Variants in RTEL1 observed in about 807,000 individuals in gnomAD.
RTEL1 encodes regulator of telomere elongation helicase 1.
RTEL1 carries 86 observed loss-of-function variants against 162.2 expected under a neutral mutation model. The ratio of observed to expected loss-of-function variants is 0.53; its 90% CI spans 0.45 to 0.63. RTEL1 has a LOEUF of 0.63. Among genes scored for constraint, RTEL1 ranks in the 30% least tolerant of loss-of-function variants. RTEL1 has a pLI of 0.00. For missense variants in RTEL1, 1,941 were observed against 1,750.2 expected (o/e 1.11, Z -1.95); for synonymous variants, 958 against 717.9 (o/e 1.33, Z -5.35).
chr20:63,685,727 A>C, intron 15 of RTEL1, 64 bp from the exon 16 acceptor site: 1 of 1,587,734 alleles, frequency 6.3e-7, no homozygotes. Context: ...CTGGTCCTAA[A>C]AGGTAAGGGG....
chr20:63,689,682 G>A (rs373831881), intron 23 of RTEL1, 34 bp downstream of exon 23: 30 of 1,605,620 alleles, frequency 1.9e-5, no homozygotes, highest in East Asian at 1.8e-4. Flanking sequence ...GGGGTAAGGC[G>A]GTCTGGTGAC....
intron 30 of RTEL1, among the ~76,000 whole-genome samples, chr20:63,694,123 G>T (rs1011432922): frequency 2.6e-5 from 4 of 152,094 alleles, no homozygotes; most frequent in Non-Finnish European, 5.9e-5. Context: ...ATATCCTCAT[G>T]CCTGCACCCA....
At chr20:63,675,360 A>G (rs1393181321) in intron 10 of RTEL1, among the ~76,000 whole-genome samples, 1 of 152,116 alleles carries the variant, frequency 6.6e-6, no homozygotes, top group Non-Finnish European at 1.5e-5. Context: ...GCACATGTGG[A>G]CGGACACCAC....
intron 31 of RTEL1, 110 bp downstream of exon 31, chr20:63,694,598 A>T: frequency 8.2e-7 from 1 of 1,222,570 alleles, no homozygotes; most frequent in Non-Finnish European, 1.2e-6. Context: ...GAGCCATCTC[A>T]TGGTGGGGAC....
chr20:63,683,787 C>T (rs931124612), intron 14 of RTEL1, among the ~76,000 whole-genome samples: 6 of 152,142 alleles, frequency 3.9e-5, no homozygotes, highest in South Asian at 2.1e-4. Context: ...GGTCGTCACG[C>T]GCTCCTCTCC....
intron 2 of RTEL1, among the ~76,000 whole-genome samples, chr20:63,660,263 G>A (rs1315069819): frequency 6.6e-6 from 1 of 152,186 alleles, no homozygotes; most frequent in Non-Finnish European, 1.5e-5. Flanking sequence ...GACCCTTCAC[G>A]GGTGTTGGGC....
intron 22 of RTEL1, among the ~76,000 whole-genome samples, 164 bp from the exon 23 acceptor site, chr20:63,689,338 G>C (rs2090670165): frequency 6.6e-6 from 1 of 152,188 alleles, no homozygotes; most frequent in Admixed American, 6.5e-5. Flanking sequence ...AGTTGGAGGT[G>C]GCGTCTGGGA....
chr20:63,672,768 C>T, intron 9 of RTEL1, 147 bp downstream of exon 9: 3 of 687,462 alleles, frequency 4.4e-6, no homozygotes, highest in Non-Finnish European at 2.6e-6. Flanking sequence ...GGAGCTTCTG[C>T]CACCCCCTCC....
Position 63,691,825 on chromosome 20 carries a change from G to A in RTEL1, c.2640G>A (p.Leu880=). Reference sequence around the variant, plus strand: ...GAGGAGGGAGGAAGAAGATCCGGCTGGTCAGCCACCCGGTGCGTGAGCTGT... The same window carrying A: ...GAGGAGGGAGGAAGAAGATCCGGCTAGTCAGCCACCCGGTGCGTGAGCTGT... ...EPRGGRKKIR[L]VSHPEEPVAG... The change falls in exon 28 of 35, where the codon CTG becomes CTA. Residue 880 remains leucine, a synonymous_variant. Coordinates refer to ENST00000360203, the MANE Select transcript of RTEL1 (RefSeq NM_001283009.2). 1.9e-6 allele frequency: 3 copies of A among 1,611,060 alleles called. No individual in the cohort carries two copies. The highest frequency in any genetic ancestry group is 2.5e-6 in the Non-Finnish European group (3 of 1,179,654).
At chr20:63,674,501 A>C (rs968221617) in intron 10 of RTEL1, among the ~76,000 whole-genome samples, 4 of 152,150 alleles carry the variant, frequency 2.6e-5, no homozygotes, top group Non-Finnish European at 5.9e-5. Context: ...TGAGGCCAGG[A>C]GTTTGAGACC....
chr20:63,692,765 G>A (rs1420365970), intron 28 of RTEL1, 40 bp from the exon 29 acceptor site: 2 of 1,580,048 alleles, frequency 1.3e-6, no homozygotes, highest in South Asian at 2.2e-5. Context: ...ACCAGATGAT[G>A]AGGCTGGCCC....
chr20:63,673,359 A>G (rs2090283999), intron 9 of RTEL1, among the ~76,000 whole-genome samples: 2 of 152,046 alleles, frequency 1.3e-5, no homozygotes, highest in Admixed American at 1.3e-4. Context: ...ACACCACTGT[A>G]CTCCAGCCTG....
chr20:63,694,824 G>A lies in RTEL1; in HGVS notation c.3193G>A (p.Ala1065Thr), dbSNP rs1008882036. ...CCAGCACGCCGTGAGCGCCTACCTG[G>A]CTGATGCCCGCAGGGCCCTGGGGTC... ...QGQHAVSAYL[A>T]DARRALGSAG... The change falls in exon 32 of 35, where the codon GCT becomes ACT. Residue 1065 changes from alanine (A) to threonine (T), a missense_variant. Physicochemically the swap from Ala to Thr is moderately conservative, Grantham distance 58 (BLOSUM62 0). Coordinates refer to ENST00000360203, the MANE Select transcript of RTEL1 (RefSeq NM_001283009.2). 6.2e-7 allele frequency: 1 copy of A among 1,612,422 alleles called. No individual in the cohort carries two copies. The highest frequency in any genetic ancestry group is 1.3e-5 in the African/African-American group (1 of 74,930).
intron 6 of RTEL1, among the ~76,000 whole-genome samples, chr20:63,665,801 A>T (rs1569083547): frequency 6.6e-6 from 1 of 152,090 alleles, no homozygotes; most frequent in Non-Finnish European, 1.5e-5. Flanking sequence ...GGGGCAGAGG[A>T]GGATTCCCTC....
chr20:63,690,666 C>T (rs908527385), intron 26 of RTEL1, 139 bp from the exon 27 acceptor site: 4 of 1,070,152 alleles, frequency 3.7e-6, no homozygotes, highest in African/African-American at 1.6e-5. Context: ...GAGGCTGAGA[C>T]TCCCCCCAAT....
In RTEL1 at chr20:63,691,765, C is replaced by T. The variant is rs762526856; in HGVS notation, c.2580C>T (p.Ser860=). 18 of 1,612,408 alleles carry T rather than the reference C, an allele frequency of 1.1e-5. No homozygotes were observed. The highest frequency in any genetic ancestry group is 1.4e-5 in the Non-Finnish European group (17 of 1,179,834). ...AGGCCCACAGCTGCTCCACCCTGTC[C>T]CTCCTGTCTGAGAAGAGGCCGGCAG... ...EEQAHSCSTL[S]LLSEKRPAEE... Residue 860 remains serine (S), a synonymous_variant, in exon 28 of 35, where the codon TCC becomes TCT. Transcript: ENST00000360203.
chr20:63,692,151 A>C (rs1263986909), intron 28 of RTEL1: 2 of 308,412 alleles, frequency 6.5e-6, no homozygotes, highest in Non-Finnish European at 1.2e-5. Flanking sequence ...GACACAGCCC[A>C]TTCCTAGCCT....
In RTEL1 at chr20:63,661,301, G is replaced by C; in HGVS notation, c.106G>C (p.Val36Leu). The change falls in exon 3 of 35, where the codon GTG becomes CTG. Residue 36 changes from valine (V) to leucine (L), a missense_variant. Physicochemically the swap from Val to Leu is conservative, Grantham distance 32 (BLOSUM62 1). Coordinates refer to ENST00000360203, the MANE Select transcript of RTEL1 (RefSeq NM_001283009.2). The surrounding 1 kb of genome is among the most constrained non-coding windows in gnomAD (Gnocchi z 5.1). ...TKVLECLQQK[V>L]NGILESPTGT... Reference sequence around the variant, plus strand: ...CCTTGCTCCGAACTCCGTTCAGAAGGTGAATGGCATCCTGGAGAGCCCTAC... The same window carrying C: ...CCTTGCTCCGAACTCCGTTCAGAAGCTGAATGGCATCCTGGAGAGCCCTAC... 1 of 1,611,940 alleles carries C rather than the reference G, an allele frequency of 6.2e-7. No individual in the cohort carries two copies. The highest frequency in any genetic ancestry group is 8.5e-7 in the Non-Finnish European group (1 of 1,179,920).
intron 22 of RTEL1, 75 bp downstream of exon 22, chr20:63,689,207 T>C (rs1186763911): frequency 7.0e-6 from 10 of 1,431,062 alleles, no homozygotes; most frequent in Non-Finnish European, 4.8e-6. Flanking sequence ...CCCAGCAGAC[T>C]CTGGGCCCTG....
Sources: allele counts gnomAD v4.1 joint callset (sites outside exome capture counted in the v4.1 genomes callset), GRCh38; gene constraint gnomAD v4.1.1; non-coding constraint Gnocchi (gnomAD v3.1); transcripts MANE v1.5; gene names NCBI Gene and HGNC (gene_info 2026-07-23, HGNC 2026-07-21).